Variants in DEFB109B observed in about 807,000 individuals in gnomAD.
DEFB109B encodes beta-defensin 109B.
rs1173448920 is a variant in DEFB109B, at chr8:7,315,494, G to A, written n.58+2591G>A. On this transcript the variant is annotated intron_variant and non_coding_transcript_variant, in intron 1 of 1. Transcript: ENST00000382656. ...AGCCTGGGCGACAGAGTGAGACTCC[G>A]TCAAAAAAAAAAAAAAAAAGAAGAA... is the stretch of plus-strand genomic sequence containing the variant. Among the ~76,000 whole-genome samples, 24 of 67,476 alleles carry A rather than the reference G, an allele frequency of 3.6e-4. 1 individual carries two copies. Among genetic ancestry groups the A allele is most frequent in the South Asian group, 7.9e-4 (2 of 2,540 alleles). 44.3% of individuals were successfully genotyped at this position (67,476 alleles called of 152,430 possible).
At chr8:7,316,770 G>A (rs1802964227) in intron 1 of DEFB109B, among the ~76,000 whole-genome samples, 1 of 140,392 alleles carries the variant, frequency 7.1e-6, no homozygotes, top group Non-Finnish European at 1.5e-5. Context: ...GGGACTACAA[G>A]TGTCCACCAC....
upstream of DEFB109B, among the ~76,000 whole-genome samples, chr8:7,312,095 G>C (rs553643668): frequency 6.7e-5 from 5 of 74,870 alleles, no homozygotes; most frequent in Admixed American, 1.1e-4. Context: ...TTACTTGGGT[G>C]GGGGGGGGGA....
At chr8:7,318,863 C>G (rs1803113492) in intron 1 of DEFB109B, 2 of 145,600 alleles carry the variant, frequency 1.4e-5, no homozygotes, top group Admixed American at 1.3e-4. Context: ...GTTAAGCTTT[C>G]TAGTATTTTC....
chr8:7,312,040 G>C (rs1802635560), upstream of DEFB109B, among the ~76,000 whole-genome samples: 1 of 123,812 alleles, frequency 8.1e-6, no homozygotes, highest in Non-Finnish European at 1.5e-5. Flanking sequence ...GTTTGTAAAA[G>C]ATGCAATAAT....
upstream of DEFB109B, among the ~76,000 whole-genome samples, chr8:7,309,639 G>C (rs1224185437): frequency 6.8e-6 from 1 of 148,050 alleles, no homozygotes; most frequent in Non-Finnish European, 1.5e-5. Context: ...ACAGGTATAA[G>C]ACCCCTTGAA....
At chr8:7,319,021 T>G (rs1206038246) in intron 1 of DEFB109B, 2 of 144,580 alleles carry the variant, frequency 1.4e-5, no homozygotes, top group Admixed American at 6.7e-5. Context: ...CTACTTATGT[T>G]TAAACAGGTG....
rs369447313 is a variant in DEFB109B, at chr8:7,318,808, T to G, written n.59-938T>G. 4 of 145,706 alleles carry G rather than the reference T, an allele frequency of 2.7e-5. No homozygotes were observed. In the East Asian group the frequency reaches 7.7e-4, roughly 28 times the overall value. 9.0% of individuals were successfully genotyped at this position (145,706 alleles called of 1,614,324 possible). ...CTTCATTAAATTATCTTTGTTGTAA[T>G]AAAGGTCATCTGGAGGAAATACTGG... is the stretch of plus-strand genomic sequence containing the variant. On this transcript the variant is annotated intron_variant and non_coding_transcript_variant, in intron 1 of 1. Transcript: ENST00000382656.
chr8:7,315,256 G>A (rs1157558212), intron 1 of DEFB109B, among the ~76,000 whole-genome samples: 2 of 120,838 alleles, frequency 1.7e-5, no homozygotes, highest in Non-Finnish European at 3.2e-5. Flanking sequence ...GGTGGCTCAC[G>A]CCTGTAATCC....
chr8:7,315,634 C>T (rs1265883071), intron 1 of DEFB109B, among the ~76,000 whole-genome samples: 3 of 130,430 alleles, frequency 2.3e-5, no homozygotes, highest in African/African-American at 3.9e-5. Flanking sequence ...CAAGCCCACA[C>T]TCAGCCTTTC....
chr8:7,312,003 A>T (rs557087722), upstream of DEFB109B, among the ~76,000 whole-genome samples: 7 of 129,082 alleles, frequency 5.4e-5, 1 homozygote, highest in Non-Finnish European at 1.0e-4. Flanking sequence ...TAATGGAGAT[A>T]AGTGTTAAAT....
At position 7,315,355 on chromosome 8, in the gene DEFB109B, C is replaced by T. The variant is rs539979279; in HGVS notation, n.58+2452C>T. On this transcript the variant is annotated intron_variant and non_coding_transcript_variant, in intron 1 of 1. Coordinates refer to ENST00000382656, the Ensembl canonical transcript of DEFB109B. ...TCTCTACTAAATACAAAAAATTAGC[C>T]GGGTGCGGTGGTACATGCCTTTAGT... 6.5e-5 allele frequency among the ~76,000 whole-genome samples: 9 copies of T among 138,152 alleles called. 1 individual carries two copies. The highest frequency in any genetic ancestry group is 6.4e-4 in the South Asian group (3 of 4,696). 90.6% of individuals were successfully genotyped at this position (138,152 alleles called of 152,430 possible). A position where few individuals can be genotyped will look rare whatever the true frequency, so the allele number is the denominator to read the frequency against.
At chr8:7,317,481 T>C (rs1803032444) in intron 1 of DEFB109B, among the ~76,000 whole-genome samples, 1 of 145,000 alleles carries the variant, frequency 6.9e-6, no homozygotes, top group Non-Finnish European at 1.5e-5. Flanking sequence ...CCTAACCATT[T>C]TCAAGAATAG....
At position 7,319,394 on chromosome 8, in the gene DEFB109B, G is replaced by A. The variant is rs544153599; in HGVS notation, n.59-352G>A. The stretch of plus-strand genomic sequence containing the variant: ...AGGGACTATCTGTATCAGCCACAAG[G>A]TGGAAGCACCAGGGCCCTCAGTAAC... On this transcript the variant is annotated intron_variant and non_coding_transcript_variant, in intron 1 of 1. Transcript: ENST00000382656. 4.1e-5 allele frequency: 6 copies of A among 145,470 alleles called. 1 individual carries two copies. The highest frequency in any genetic ancestry group is 2.7e-4 in the Admixed American group (4 of 15,064). The allele number at this position is 145,470 out of a possible 1,614,324, so 9.0% of individuals were successfully genotyped here. A position where few individuals can be genotyped will look rare whatever the true frequency, so the allele number is the denominator to read the frequency against.
At chr8:7,316,688 G>A (rs537646442) in intron 1 of DEFB109B, among the ~76,000 whole-genome samples, 3 of 144,464 alleles carry the variant, frequency 2.1e-5, no homozygotes, top group Non-Finnish European at 4.4e-5. Context: ...ATGCAGTGTT[G>A]CAATCTTGGC....
chr8:7,313,246 C>T (rs572985956), intron 1 of DEFB109B, among the ~76,000 whole-genome samples: 19 of 145,358 alleles, frequency 1.3e-4, no homozygotes, highest in Middle Eastern at 3.5e-3. Context: ...GATGCCTTTG[C>T]GGGACATGGA....
upstream of DEFB109B, among the ~76,000 whole-genome samples, chr8:7,312,555 A>G (rs960260169): frequency 6.9e-6 from 1 of 145,352 alleles, no homozygotes; most frequent in Non-Finnish European, 1.5e-5. Flanking sequence ...GAGATCAATG[A>G]TTATTGCATA....
intron 1 of DEFB109B, among the ~76,000 whole-genome samples, chr8:7,313,523 T>C (rs1363380227): frequency 7.1e-6 from 1 of 140,142 alleles, no homozygotes; most frequent in African/African-American, 3.1e-5. Flanking sequence ...AACTGAAGAG[T>C]AGAAAGGAGA....
intron 1 of DEFB109B, 93 bp from the exon 2 acceptor site, chr8:7,319,653 G>C (rs552685062): frequency 6.9e-6 from 1 of 145,448 alleles, no homozygotes; most frequent in Non-Finnish European, 1.5e-5. Context: ...ACATAAAAAC[G>C]TTCATACTAA....
At chr8:7,319,889 C>T (rs1210325162) in exon 2 of DEFB109B, 10 of 74,076 alleles carry the variant, frequency 1.3e-4, no homozygotes, top group South Asian at 6.8e-4. Context: ...GATTTTAATG[C>T]CAATTCCAAC....
Sources: gnomAD v4.1 joint callset for allele counts (sites outside exome capture counted in the v4.1 genomes callset) on GRCh38, gnomAD v4.1.1 for gene constraint, MANE v1.5 for transcripts, NCBI Gene and HGNC (gene_info 2026-07-23, HGNC 2026-07-21) for gene names.